Variants in CEP126 observed in about 807,000 individuals in gnomAD.
The protein encoded by CEP126 is centrosomal protein of 126 kDa.
A neutral mutation model predicts 107.8 loss-of-function variants in CEP126; 74 were observed. That is an observed-to-expected ratio of 0.69 (90% CI 0.57 to 0.83). The LOEUF is 0.83. CEP126 is among the 40% of genes least tolerant of loss of function. The pLI, the probability that CEP126 is intolerant of heterozygous loss-of-function variation, is 0.00. For synonymous variants in CEP126, 449 were observed against 446.0 expected (o/e 1.01, Z -0.08); for missense variants, 1,237 against 1,281.9 (o/e 0.96, Z 0.53).
chr11:101,956,511 G>A (rs1004886074), intron 4 of CEP126: 5 of 456,342 alleles, frequency 1.1e-5, no homozygotes, highest in South Asian at 3.1e-5. Context: ...GCATCTCCCT[G>A]TCATTCTCCA....
chr11:101,927,074 G>A (rs903131323), intron 2 of CEP126, among the ~76,000 whole-genome samples: 2 of 152,212 alleles, frequency 1.3e-5, no homozygotes, highest in African/African-American at 4.8e-5. Context: ...GGCCAAGGTG[G>A]GTGCGTTACT....
chr11:101,997,732 A>T lies in CEP126; in HGVS notation c.*89A>T. 2 of 1,579,956 alleles carry T rather than the reference A, an allele frequency of 1.3e-6. No individual in the cohort carries two copies. The highest frequency in any genetic ancestry group is 1.7e-6 in the Non-Finnish European group (2 of 1,157,018). On this transcript the variant is annotated 3_prime_UTR_variant, in exon 11 of 11. Coordinates refer to ENST00000263468, the MANE Select transcript of CEP126 (RefSeq NM_020802.4). ...TTGTGAAAACCAGCCATAGGAAAAC[A>T]TGTGAGCAACAACCCCCATGAACAT...
rs1285017549 is a variant in CEP126, at chr11:101,957,075, TC to T, written c.507-1092del. 1.2e-5 allele frequency: 3 copies of T among 258,206 alleles called. No individual in the cohort carries two copies. In the East Asian group the frequency reaches 3.5e-4, roughly 30 times the overall value. The allele number at this position is 258,206 out of a possible 1,614,324, so 16.0% of individuals were successfully genotyped here. ...AGAGACAGAAACATACTCTCAATGT[TC>T]AGGAACTTGTATTAAATACCTTCTT... On this transcript the variant is annotated intron_variant, in intron 4 of 10. Transcript: ENST00000263468.
chr11:101,963,762 A>G lies in CEP126; in HGVS notation c.2727A>G (p.Gln909=), dbSNP rs184039486. 9 of 1,614,126 alleles carry G rather than the reference A, an allele frequency of 5.6e-6. No homozygotes were observed. The highest frequency in any genetic ancestry group is 1.7e-5 in the Admixed American group (1 of 60,020). The change falls in exon 6 of 11, where the codon CAA becomes CAG. Residue 909 remains glutamine (Q), a synonymous_variant. Transcript: ENST00000263468. ...AAGATGCGACATTATATTGCACCCAAAGAAGTCCTGTTTGTGAAGAAAGTT... is the reference window on the plus strand; with the variant it reads ...AAGATGCGACATTATATTGCACCCAGAGAAGTCCTGTTTGTGAAGAAAGTT... ...ARQDATLYCT[Q]RSPVCEESYP...
intron 9 of CEP126, among the ~76,000 whole-genome samples, chr11:101,989,998 C>G (rs990656990): frequency 6.7e-6 from 1 of 149,732 alleles, no homozygotes; most frequent in Non-Finnish European, 1.5e-5. Context: ...TAAAGAGAGA[C>G]AGGTTGTGAA....
At chr11:101,981,496 T>C (rs1941253812) in intron 7 of CEP126, among the ~76,000 whole-genome samples, 1 of 152,072 alleles carries the variant, frequency 6.6e-6, no homozygotes, top group South Asian at 2.1e-4. Context: ...GGCTTCACCG[T>C]GTTAGCCAGG....
intron 5 of CEP126, 121 bp from the exon 6 acceptor site, chr11:101,961,620 T>G: frequency 1.7e-6 from 1 of 572,948 alleles, no homozygotes; most frequent in Non-Finnish European, 3.0e-6. Context: ...ACCTATGATG[T>G]TTATAGTCAT....
chr11:101,963,177 T>C lies in CEP126; in HGVS notation c.2142T>C (p.Phe714=), dbSNP rs1350593668. 1 of 1,614,040 alleles carries C rather than the reference T, an allele frequency of 6.2e-7. No individual in the cohort carries two copies. Among genetic ancestry groups the C allele is most frequent in the Admixed American group, 1.7e-5 (1 of 60,022 alleles). The part of the protein sequence containing the change: ...SGADHMPLNC[F]IPSGYNFAKH... ...CAGACCATATGCCTTTGAACTGTTT[T>C]ATACCTTCAGGTTATAACTTTGCTA... is the stretch of plus-strand genomic sequence containing the variant. The change falls in exon 6 of 11, where the codon TTT becomes TTC. Residue 714 remains phenylalanine, a synonymous_variant. Coordinates refer to ENST00000263468, the MANE Select transcript of CEP126 (RefSeq NM_020802.4).
intron 6 of CEP126, among the ~76,000 whole-genome samples, chr11:101,967,756 T>C (rs943222037): frequency 8.5e-5 from 13 of 152,166 alleles, no homozygotes; most frequent in African/African-American, 3.1e-4. Flanking sequence ...ATTTAAAATA[T>C]GTAAAACAAT....
intron 6 of CEP126, among the ~76,000 whole-genome samples, chr11:101,964,112 C>A (rs1055099314): frequency 1.3e-5 from 2 of 148,970 alleles, no homozygotes; most frequent in African/African-American, 5.0e-5. Flanking sequence ...TCAAGACCAG[C>A]CTGGCTAACA....
At chr11:101,937,944 G>C (rs1257190837) in intron 2 of CEP126, among the ~76,000 whole-genome samples, 1 of 151,280 alleles carries the variant, frequency 6.6e-6, no homozygotes, top group African/African-American at 2.4e-5. Context: ...ATGAGGTCAG[G>C]AGATCGAGAC....
rs576551664 is a variant in CEP126 at position 101,921,866 on chromosome 11, A to G, written c.129-775A>G. ...AGTGGCGCAATCTCGGCTCACTGCA[A>G]CCTCTGCTTCCCAGGTTCAAGAGAT... On this transcript the variant is annotated intron_variant, in intron 1 of 10. Coordinates refer to ENST00000263468, the MANE Select transcript of CEP126 (RefSeq NM_020802.4). Among the ~76,000 whole-genome samples the G allele has an allele frequency of 3.0e-4, 41 of 137,062 alleles. 1 individual carries two copies. In the South Asian group the frequency reaches 9.9e-3, roughly 33 times the overall value. The allele number at this position is 137,062 out of a possible 152,430, so 89.9% of individuals were successfully genotyped here.
intron 9 of CEP126, among the ~76,000 whole-genome samples, chr11:101,987,967 TAAAA>T (rs3043916): frequency 6.9e-6 from 1 of 145,726 alleles, no homozygotes; most frequent in African/African-American, 2.5e-5. Flanking sequence ...AGCCTACAAT[TAAAA>T]AAAAAGTAAA....
At position 101,954,638 on chromosome 11, in the gene CEP126, A is replaced by T. The variant is rs527686231; in HGVS notation, c.507-3530A>T. Reference sequence around the variant, plus strand: ...TATATCTATCTGTGTGTGTATGTTTATATATACATATATATATCACATAAA... The same window carrying T: ...TATATCTATCTGTGTGTGTATGTTTTTATATACATATATATATCACATAAA... On this transcript the variant is annotated intron_variant, in intron 4 of 10. Transcript: ENST00000263468. Among the ~76,000 whole-genome samples the T allele has an allele frequency of 3.9e-5, 6 of 151,958 alleles. No homozygotes were observed. In the East Asian group the frequency reaches 5.8e-4, roughly 15 times the overall value.
intron 1 of CEP126, among the ~76,000 whole-genome samples, chr11:101,918,107 C>A (rs1423452249): frequency 1.3e-5 from 2 of 151,942 alleles, no homozygotes; most frequent in South Asian, 2.1e-4. Context: ...GTCTTTTTTT[C>A]CCCCCAGGCT....
chr11:101,920,004 G>T (rs1316882927), intron 1 of CEP126, among the ~76,000 whole-genome samples: 2 of 152,160 alleles, frequency 1.3e-5, no homozygotes. Context: ...TGCTAGCAAA[G>T]AACCAAATTT....
At chr11:101,953,529 A>G (rs1940841256) in intron 4 of CEP126, among the ~76,000 whole-genome samples, 1 of 152,210 alleles carries the variant, frequency 6.6e-6, no homozygotes, top group Admixed American at 6.5e-5. Flanking sequence ...TAGCATATAA[A>G]GGACAGGCAA....
chr11:101,963,132 G>C lies in CEP126; in HGVS notation c.2097G>C (p.Thr699=). 6.2e-7 allele frequency: 1 copy of C among 1,613,972 alleles called. No homozygotes were observed. Among genetic ancestry groups the C allele is most frequent in the Non-Finnish European group, 8.5e-7 (1 of 1,179,988 alleles). ...SREDSISENV[T]TLGGSGADHM... is the part of the protein sequence containing the mutation. Reference sequence around the variant, plus strand: ...AGGATTCTATCTCTGAAAATGTTACGACTTTAGGAGGATCTGGAGCAGACC... The same window carrying C: ...AGGATTCTATCTCTGAAAATGTTACCACTTTAGGAGGATCTGGAGCAGACC... The change falls in exon 6 of 11, where the codon ACG becomes ACC. Residue 699 remains threonine (T), a synonymous_variant. Coordinates refer to ENST00000263468, the MANE Select transcript of CEP126 (RefSeq NM_020802.4).
chr11:101,924,610 C>T (rs965913138), intron 2 of CEP126, among the ~76,000 whole-genome samples: 1 of 152,200 alleles, frequency 6.6e-6, no homozygotes, highest in African/African-American at 2.4e-5. Context: ...GGATTACAGG[C>T]ACGCACCCCC....
Sources: allele counts gnomAD v4.1 joint callset (sites outside exome capture counted in the v4.1 genomes callset), GRCh38; gene constraint gnomAD v4.1.1; transcripts MANE v1.5; gene names NCBI Gene and HGNC (gene_info 2026-07-23, HGNC 2026-07-21).